The following APBB2 variants were observed in gnomAD, a reference collection of about 807,000 sequenced individuals.
APBB2 encodes the protein amyloid beta precursor protein binding family B member 2, also known as Fe65-like 1.
A neutral mutation model predicts 82.5 loss-of-function variants in APBB2; 38 were observed. That is an observed-to-expected ratio of 0.46 (90% CI 0.36 to 0.60). The LOEUF is 0.60. APBB2 is among the 20% of genes least tolerant of loss of function. The pLI is 0.00. For synonymous variants in APBB2, 341 were observed against 368.2 expected (o/e 0.93, Z 0.85); for missense variants, 772 against 972.3 (o/e 0.79, Z 2.74).
intron 12 of APBB2, among the ~76,000 whole-genome samples, chr4:40,885,433 G>C (rs1030341146): frequency 3.3e-5 from 5 of 152,186 alleles, no homozygotes; most frequent in African/African-American, 9.6e-5. Flanking sequence ...GTGAGGAATT[G>C]GGGGAGGGAC....
At chr4:40,820,990 TC>T (rs1747722523) in intron 17 of APBB2, among the ~76,000 whole-genome samples, 1 of 152,120 alleles carries the variant, frequency 6.6e-6, no homozygotes, top group South Asian at 2.1e-4. Context: ...TGCCTCAGCC[TC>T]CCGAGTAGCT....
At chr4:40,877,814 G>A (rs1186036414) in intron 12 of APBB2, among the ~76,000 whole-genome samples, 1 of 152,158 alleles carries the variant, frequency 6.6e-6, no homozygotes, top group Admixed American at 6.5e-5. Context: ...AGGGAGGTAG[G>A]AGCCACGTGT....
At chr4:40,907,345 T>TTATATATA (rs1560860217) in intron 10 of APBB2, among the ~76,000 whole-genome samples, 18 of 104,962 alleles carry the variant, frequency 1.7e-4, no homozygotes, top group African/African-American at 3.6e-4. Flanking sequence ...ATTTAATATA[T>TTATATATA]TACATATATA....
chr4:40,919,894 C>T (rs1386823212), intron 10 of APBB2, among the ~76,000 whole-genome samples: 1 of 152,186 alleles, frequency 6.6e-6, no homozygotes, highest in Non-Finnish European at 1.5e-5. Context: ...GGTTTAGCCA[C>T]ACGGCTCATT....
At chr4:41,071,191 G>A (rs1733759158) in intron 3 of APBB2, among the ~76,000 whole-genome samples, 1 of 152,106 alleles carries the variant, frequency 6.6e-6, no homozygotes, top group African/African-American at 2.4e-5. Context: ...TCCTGCTGTT[G>A]ACCTAAAAGA....
chr4:40,855,713 G>A (rs532952148), intron 12 of APBB2, among the ~76,000 whole-genome samples: 1 of 149,056 alleles, frequency 6.7e-6, no homozygotes, highest in Non-Finnish European at 1.5e-5. Flanking sequence ...TACAGGCTGG[G>A]TGACAGAGAG....
At chr4:40,829,717 GC>G (rs1270390868) in intron 13 of APBB2, among the ~76,000 whole-genome samples, 1 of 152,074 alleles carries the variant, frequency 6.6e-6, no homozygotes, top group Non-Finnish European at 1.5e-5. Flanking sequence ...CTGCAAGGGG[GC>G]TGTTATGCTG....
At chr4:40,845,035 C>T (rs1757069131) in intron 12 of APBB2, among the ~76,000 whole-genome samples, 1 of 152,266 alleles carries the variant, frequency 6.6e-6, no homozygotes, top group East Asian at 1.9e-4. Flanking sequence ...TAAAAACATA[C>T]CATCAAGATG....
At chr4:41,108,773 T>C (rs1007218933) in intron 2 of APBB2, among the ~76,000 whole-genome samples, 4 of 152,202 alleles carry the variant, frequency 2.6e-5, no homozygotes, top group African/African-American at 4.8e-5. Context: ...CCCTGAAACC[T>C]GACATGTCTA....
chr4:41,131,037 A>G (rs1425074359), intron 2 of APBB2, among the ~76,000 whole-genome samples: 1 of 152,182 alleles, frequency 6.6e-6, no homozygotes, highest in Non-Finnish European at 1.5e-5. Flanking sequence ...AAGGAACATC[A>G]CAGCAAAACA....
chr4:41,084,515 C>T (rs1366332908), intron 3 of APBB2: 1 of 152,172 alleles, frequency 6.6e-6, no homozygotes, highest in Non-Finnish European at 1.5e-5. Flanking sequence ...CAAGACATTG[C>T]ACTACAGAGG....
intron 12 of APBB2, among the ~76,000 whole-genome samples, chr4:40,888,789 C>T (rs1022740727): frequency 1.3e-5 from 2 of 152,118 alleles, no homozygotes; most frequent in Non-Finnish European, 2.9e-5. Flanking sequence ...GCCCCTGCCT[C>T]GCACACGTAT....
chr4:40,994,244 G>A (rs144711889), intron 6 of APBB2, among the ~76,000 whole-genome samples: 14,169 of 149,916 alleles, frequency 0.095, 912 homozygotes, highest in Middle Eastern at 0.14. Context: ...CCGAGATCGC[G>A]CCACTGCACT....
intron 10 of APBB2, among the ~76,000 whole-genome samples, chr4:40,932,989 G>A (rs1183421855): frequency 6.6e-6 from 1 of 152,176 alleles, no homozygotes; most frequent in African/African-American, 2.4e-5. Context: ...TCAGCCTGCT[G>A]AGTAGCTGGG....
chr4:41,129,916 GA>G (rs1755506034), intron 2 of APBB2, among the ~76,000 whole-genome samples: 1 of 152,038 alleles, frequency 6.6e-6, no homozygotes, highest in South Asian at 2.1e-4. Flanking sequence ...GATCTACAGG[GA>G]AAAAAATTAA....
intron 1 of APBB2, among the ~76,000 whole-genome samples, chr4:41,144,087 T>C (rs1358837961): frequency 6.6e-6 from 1 of 152,258 alleles, no homozygotes; most frequent in Non-Finnish European, 1.5e-5. Flanking sequence ...AAGTCTTCAT[T>C]TGTTAATTAT....
chr4:41,089,973 G>T (rs781095514), intron 3 of APBB2, among the ~76,000 whole-genome samples: 12 of 152,232 alleles, frequency 7.9e-5, no homozygotes, highest in Non-Finnish European at 1.8e-4. Flanking sequence ...ACACTAGCTT[G>T]TTTCTTCAAA....
Position 41,035,119 on chromosome 4 carries a change from C to T in APBB2, c.-50-1815G>A, listed in dbSNP as rs368438872. On this transcript the variant is annotated intron_variant, in intron 4 of 17. Coordinates refer to ENST00000508593, the MANE Select transcript of APBB2 (RefSeq NM_004307.2). ...GCTCTTACGTGCACATTTCTATATG[C>T]GTAATGCACTTCCATGAAAAGTTAA... Among the ~76,000 whole-genome samples the T allele has an allele frequency of 1.4e-3, 207 of 152,124 alleles. 1 individual carries two copies. Among genetic ancestry groups the T allele is most frequent in the South Asian group, 0.012 (57 of 4,810 alleles).
intron 12 of APBB2, 92 bp from the exon 13 acceptor site, chr4:40,830,669 G>T: frequency 1.4e-6 from 1 of 735,804 alleles, no homozygotes; most frequent in Non-Finnish European, 2.4e-6. Flanking sequence ...AGCAGCCAGC[G>T]TGTCAATGGT....
Sources: gnomAD v4.1 joint callset for allele counts (sites outside exome capture counted in the v4.1 genomes callset) on GRCh38, gnomAD v4.1.1 for gene constraint, MANE v1.5 for transcripts, NCBI Gene and HGNC (gene_info 2026-07-23, HGNC 2026-07-21) for gene names.